LTBP3: variants seen among roughly 807,000 people sequenced by gnomAD.
The protein encoded by LTBP3 is latent-transforming growth factor beta-binding protein 3.
LTBP3 carries 97 observed loss-of-function variants against 159.7 expected under a neutral mutation model. The ratio of observed to expected loss-of-function variants is 0.61; its 90% CI spans 0.52 to 0.72. The LOEUF (loss-of-function observed/expected upper bound fraction) is 0.72. Among genes scored for constraint, LTBP3 ranks in the 30% least tolerant of loss-of-function variants. The probability of loss-of-function intolerance (pLI) is 0.00; values close to 1 mark genes in which losing one functional copy is unlikely to be tolerated. For missense variants in LTBP3, 1,584 were observed against 1,864.3 expected, an observed-to-expected ratio of 0.85 and a Z score of 2.77; for synonymous variants, 824 against 777.1, an observed-to-expected ratio of 1.06 and a Z score of -1.00.
chr11:65,546,822 T>G lies in LTBP3; in HGVS notation c.2206A>C (p.Ser736Arg). 6.2e-7 allele frequency: 1 copy of G among 1,607,306 alleles called. No homozygotes were observed. Among genetic ancestry groups the G allele is most frequent in the South Asian group, 1.1e-5 (1 of 91,062 alleles). ...CCGCGACAGGCCCCGCCCCCCTGGC[T>G]GCGGTAGCCAGGCTGACAGGCGATG... ...KCIACQPGYR[S>R]QGGGACRDVN... Residue 736 changes from serine to arginine, a missense_variant, in exon 15 of 28, where the codon AGC becomes CGC. Transcript: ENST00000301873. The surrounding 1 kb of genome is among the most constrained non-coding windows in gnomAD (Gnocchi z 4.0).
At position 65,553,414 on chromosome 11, in the gene LTBP3, C is replaced by T; in HGVS notation, c.970+11G>A. On this transcript the variant is annotated intron_variant, in intron 4 of 27. Coordinates refer to ENST00000301873, the MANE Select transcript of LTBP3 (RefSeq NM_001130144.3). This position sits in a 1 kb window ranked among gnomAD's most constrained non-coding sequence, Gnocchi z 6.5. The stretch of plus-strand genomic sequence containing the variant: ...CCAGATAGGGAACGCCCCCTGAGCC[C>T]AAGCACTCACACTGCAGCTGGGGAC... 6.2e-7 allele frequency: 1 copy of T among 1,609,918 alleles called. No individual in the cohort carries two copies. Among genetic ancestry groups the T allele is most frequent in the Non-Finnish European group, 8.5e-7 (1 of 1,178,152 alleles).
intron 18 of LTBP3, 159 bp from the exon 19 acceptor site, chr11:65,541,887 T>C: frequency 6.3e-6 from 5 of 790,992 alleles, no homozygotes; most frequent in Non-Finnish European, 1.0e-5. Context: ...TGAATGTGCA[T>C]GTGGACATTA....
chr11:65,551,885 T>C (rs1037283048), intron 8 of LTBP3, 87 bp downstream of exon 8: 17 of 1,444,020 alleles, frequency 1.2e-5, no homozygotes, highest in Non-Finnish European at 1.5e-5. Context: ...GGGGTTAGAC[T>C]GTGAGGTCAG....
At position 65,554,184 on chromosome 11, in the gene LTBP3, G is replaced by A. The variant is rs1240596575; in HGVS notation, c.528C>T (p.Gly176=). 5.0e-6 allele frequency: 8 copies of A among 1,611,452 alleles called. No homozygotes were observed. In the East Asian group the frequency reaches 1.6e-4, roughly 31 times the overall value. The part of the protein sequence containing the change: ...TGALPPLAPE[G]DSVASKHAIY... ...TGGCGTGCTTGCTGGCCACAGAGTC[G>A]CCCTCCGGAGCCAGGGGCGGCAGCG... The change falls in exon 2 of 28, where the codon GGC becomes GGT. Residue 176 remains glycine (G), a synonymous_variant. Transcript: ENST00000301873. This position sits in a 1 kb window ranked among gnomAD's most constrained non-coding sequence, Gnocchi z 5.3.
chr11:65,547,643 G>A lies in LTBP3; in HGVS notation c.1978+47C>T. On this transcript the variant is annotated intron_variant, in intron 13 of 27. Transcript: ENST00000301873. The surrounding 1 kb of genome is among the most constrained non-coding windows in gnomAD (Gnocchi z 4.6). The stretch of plus-strand genomic sequence containing the variant: ...GGGAGGGATTACACGGCGGTCTGGA[G>A]GAGAGCCCGTCCCACCCAGGGCCGC... The A allele has an allele frequency of 6.2e-7, 1 of 1,608,032 alleles. No homozygotes were observed. Among genetic ancestry groups the A allele is most frequent in the South Asian group, 1.1e-5 (1 of 90,952 alleles).
chr11:65,553,380 G>C lies in LTBP3; in HGVS notation c.970+45C>G. On this transcript the variant is annotated intron_variant, in intron 4 of 27. Transcript: ENST00000301873. The surrounding 1 kb of genome is among the most constrained non-coding windows in gnomAD (Gnocchi z 6.5). The stretch of plus-strand genomic sequence containing the variant: ...TGCAGGGATGGGTGGGGTGGGTGGG[G>C]AGGGGCCACCAGATAGGGAACGCCC... The C allele has an allele frequency of 1.4e-6, 1 of 711,212 alleles. No individual in the cohort carries two copies. Among genetic ancestry groups the C allele is most frequent in the Non-Finnish European group, 2.4e-6 (1 of 424,026 alleles). The allele number at this position is 711,212 out of a possible 1,614,324, so 44.1% of individuals were successfully genotyped here.
At chr11:65,557,067 C>A (rs1260399812) in intron 1 of LTBP3, among the ~76,000 whole-genome samples, 1 of 151,956 alleles carries the variant, frequency 6.6e-6, no homozygotes, top group Non-Finnish European at 1.5e-5. Context: ...CGAACTAGTC[C>A]CTACCTTCAG....
intron 18 of LTBP3, 177 bp downstream of exon 18, chr11:65,542,928 A>AGAAG: frequency 1.2e-6 from 1 of 812,804 alleles, no homozygotes; most frequent in Non-Finnish European, 1.9e-6. Context: ...ATGGATGGAT[A>AGAAG]GAAGGATGGA....
At chr11:65,540,741 G>GGGCCTACAGGGCGT in intron 21 of LTBP3, 127 bp from the exon 22 acceptor site, 2 of 1,503,192 alleles carry the variant, frequency 1.3e-6, no homozygotes, top group Non-Finnish European at 1.8e-6. Flanking sequence ...CTACAGGGCG[G>GGGCCTACAGGGCGT]GGCCTGCGAG....
chr11:65,555,849 C>T (rs912139880), intron 1 of LTBP3, among the ~76,000 whole-genome samples: 5 of 152,098 alleles, frequency 3.3e-5, no homozygotes, highest in African/African-American at 1.2e-4. Context: ...CTCCTGGATG[C>T]CAGAAGGGCC....
Position 65,539,713 on chromosome 11 carries a change from G to C in LTBP3, c.3547+7C>G, listed in dbSNP as rs1424015880. ...GCTCCCGGCCAACTCCTCCCCGACT[G>C]CCTTACCCGCGCCGCGCGGCGGGCA... On this transcript the variant is annotated splice_region_variant and intron_variant, in intron 25 of 27. Coordinates refer to ENST00000301873, the MANE Select transcript of LTBP3 (RefSeq NM_001130144.3). The C allele has an allele frequency of 2.6e-6, 4 of 1,557,018 alleles. No homozygotes were observed. Among genetic ancestry groups the C allele is most frequent in the Non-Finnish European group, 2.6e-6 (3 of 1,158,298 alleles).
chr11:65,547,293 A>G lies in LTBP3; in HGVS notation c.2107+146T>C. The G allele has an allele frequency of 4.1e-6, 4 of 972,520 alleles. No individual in the cohort carries two copies. The highest frequency in any genetic ancestry group is 6.1e-6 in the Non-Finnish European group (4 of 654,446). The allele number at this position is 972,520 out of a possible 1,614,324, so 60.2% of individuals were successfully genotyped here. A position where few individuals can be genotyped will look rare whatever the true frequency, so the allele number is the denominator to read the frequency against. On this transcript the variant is annotated intron_variant, in intron 14 of 27. Coordinates refer to ENST00000301873, the MANE Select transcript of LTBP3 (RefSeq NM_001130144.3). This position sits in a 1 kb window ranked among gnomAD's most constrained non-coding sequence, Gnocchi z 4.6. The stretch of plus-strand genomic sequence containing the variant: ...CGGGAGGCGGAGGTTGCAGTGAGCC[A>G]AGATCTCACCACCGCACTCCAGCCT...
At chr11:65,540,736 G>A (rs1856088753) in intron 21 of LTBP3, 122 bp from the exon 22 acceptor site, 1 of 1,498,374 alleles carries the variant, frequency 6.7e-7, no homozygotes, top group Non-Finnish European at 9.1e-7. Flanking sequence ...GGGGCCTACA[G>A]GGCGGGGCCT....
In LTBP3 at chr11:65,540,886, T is replaced by A. The variant is rs757920922; in HGVS notation, c.2962A>T (p.Ile988Phe). The change falls in exon 21 of 28, where the codon ATC (isoleucine) becomes TTC (phenylalanine). Residue 988 changes from isoleucine to phenylalanine, a missense_variant. Around this residue, in one of 6 missense-constraint regions of LTBP3, gnomAD observed 514 missense variants for 530.3 expected, o/e 0.97. Coordinates refer to ENST00000301873, the MANE Select transcript of LTBP3 (RefSeq NM_001130144.3). ...GGGCGCTTACCACGGTGGGCTGGGA[T>A]GCCGTAGTTGACGATGTTGTTGTCC... ...TQDNNIVNYG[I>F]PAHRDIDECM... 1.2e-6 allele frequency: 2 copies of A among 1,612,658 alleles called. No homozygotes were observed.
chr11:65,542,191 A>C (rs1180758409), intron 18 of LTBP3, among the ~76,000 whole-genome samples: 1 of 152,078 alleles, frequency 6.6e-6, no homozygotes, highest in South Asian at 2.1e-4. Context: ...ACTCCTACTT[A>C]CGTTTCAGTC....
Position 65,552,967 on chromosome 11 carries a change from G to A in LTBP3, c.1079C>T (p.Ala360Val). 6.2e-7 allele frequency: 1 copy of A among 1,614,214 alleles called. No individual in the cohort carries two copies. The highest frequency in any genetic ancestry group is 8.5e-7 in the Non-Finnish European group (1 of 1,180,032). ...ACCATGGCGACACACGCCCGGCATT[G>A]CGCACTCGTTGATGTCTGTGGTAAG... is the stretch of plus-strand genomic sequence containing the variant. Reference protein sequence around the residue: ...STHCQDINECAMPGVCRHGDC... With the variant: ...STHCQDINECVMPGVCRHGDC... The change falls in exon 6 of 28, where the codon GCA becomes GTA. Residue 360 changes from alanine (A) to valine (V), a missense_variant. This residue lies in a region of LTBP3 where 156 missense variants were observed against 259.7 expected (regional missense o/e 0.60). Transcript: ENST00000301873. This position sits in a 1 kb window ranked among gnomAD's most constrained non-coding sequence, Gnocchi z 6.0.
intron 11 of LTBP3, among the ~76,000 whole-genome samples, chr11:65,549,093 TGAG>T (rs1856497770): frequency 6.6e-6 from 1 of 152,204 alleles, no homozygotes; most frequent in Non-Finnish European, 1.5e-5. Context: ...TTGCAGAGTA[TGAG>T]AAGGTTAAAT....
Position 65,538,930 on chromosome 11 carries a change from A to AGGGGCGCCTCGGGTCTC in LTBP3, c.*133_*149dup. 1 of 1,290,436 alleles carries AGGGGCGCCTCGGGTCTC rather than the reference A, an allele frequency of 7.7e-7. No individual in the cohort carries two copies. The highest frequency in any genetic ancestry group is 1.6e-5 in the African/African-American group (1 of 63,922). The allele number at this position is 1,290,436 out of a possible 1,614,324, so 79.9% of individuals were successfully genotyped here. The stretch of plus-strand genomic sequence containing the variant: ...CCGCTAACCGGGGAGGGGGGCCGGT[A>AGGGGCGCCTCGGGTCTC]GGGGCGCCTCGGGTCTCAAGGCGCC... On this transcript the variant is annotated 3_prime_UTR_variant, in exon 28 of 28. Transcript: ENST00000301873.
Position 65,547,368 on chromosome 11 carries a change from C to A in LTBP3, c.2107+71G>T. ...CGGGGGAAAAAAAAAAAAATGCAGG[C>A]ACCCCAGCCCCACCCCAGGTGGAGA... On this transcript the variant is annotated intron_variant, in intron 14 of 27. Transcript: ENST00000301873. The surrounding 1 kb of genome is among the most constrained non-coding windows in gnomAD (Gnocchi z 4.6). The A allele has an allele frequency of 6.5e-7, 1 of 1,538,674 alleles. No homozygotes were observed.
Sources: gnomAD v4.1 joint callset for allele counts (sites outside exome capture counted in the v4.1 genomes callset) on GRCh38, gnomAD v4.1.1 for gene constraint, gnomAD v4.1.1 regional missense constraint, Gnocchi (gnomAD v3.1) non-coding constraint, MANE v1.5 for transcripts, NCBI Gene and HGNC (gene_info 2026-07-23, HGNC 2026-07-21) for gene names.